TMPO: variants seen among roughly 807,000 people sequenced by gnomAD.
The protein encoded by TMPO is LEM domain containing 4.
TMPO carries 22 observed loss-of-function variants against 45.4 expected under a neutral mutation model. The observed-to-expected ratio is 0.48, with a 90% CI of 0.35 to 0.69. The LOEUF (loss-of-function observed/expected upper bound fraction) is 0.69. Ranked by LOEUF, TMPO falls within the 30% of genes least tolerant of loss-of-function variation. The probability of loss-of-function intolerance (pLI) is 0.01; values close to 1 mark genes in which losing one functional copy is unlikely to be tolerated. For synonymous variants in TMPO, 241 were observed against 204.1 expected (o/e 1.18, Z -1.54); for missense variants, 512 against 548.8 (o/e 0.93, Z 0.67).
rs927806299 is a variant in TMPO, at chr12:98,516,265, T to C, written c.279+119T>C. 8 of 1,256,754 alleles carry C rather than the reference T, an allele frequency of 6.4e-6. No individual in the cohort carries two copies. In the African/African-American group the frequency reaches 1.3e-4, roughly 20 times the overall value. The allele number at this position is 1,256,754 out of a possible 1,614,324, so 77.9% of individuals were successfully genotyped here. ...CTCGGGCCTCCCAGGTGCGGGGCTG[T>C]CCCTGCGCCCCCTCGCGTCGCCCCT... On this transcript the variant is annotated intron_variant, in intron 1 of 8. Coordinates refer to ENST00000556029, the MANE Select transcript of TMPO (RefSeq NM_001032283.3).
chr12:98,527,606 G>T, intron 1 of TMPO: 13 of 227,266 alleles, frequency 5.7e-5, no homozygotes, highest in South Asian at 2.5e-4. Flanking sequence ...TTGCATTTTT[G>T]ATGCCATTAC....
chr12:98,537,022 C>T (rs886774164), intron 3 of TMPO, among the ~76,000 whole-genome samples: 6 of 152,094 alleles, frequency 3.9e-5, no homozygotes, highest in African/African-American at 1.2e-4. Context: ...CATTTTTAAA[C>T]TTTCCCTTCT....
intron 1 of TMPO, among the ~76,000 whole-genome samples, chr12:98,527,230 G>A (rs139725691): frequency 2.0e-3 from 292 of 149,606 alleles, no homozygotes; most frequent in South Asian, 3.8e-3. Flanking sequence ...GTGTGCAGTG[G>A]TTTACAACTG....
At chr12:98,525,203 T>C (rs1265563533) in intron 1 of TMPO, among the ~76,000 whole-genome samples, 1 of 152,202 alleles carries the variant, frequency 6.6e-6, no homozygotes, top group Non-Finnish European at 1.5e-5. Flanking sequence ...TTGGATATTA[T>C]GGTGTGGGTT....
At chr12:98,522,936 CA>C (rs577984820) in intron 1 of TMPO, among the ~76,000 whole-genome samples, 108 of 152,298 alleles carry the variant, frequency 7.1e-4, no homozygotes, top group South Asian at 3.1e-3. Context: ...TATGGTTCAA[CA>C]TCTTTATACT....
At chr12:98,532,774 G>T in intron 3 of TMPO, 1 of 1,613,696 alleles carries the variant, frequency 6.2e-7, no homozygotes, top group South Asian at 1.1e-5. Flanking sequence ...AATAAAATCA[G>T]CTCAAACACA....
intron 4 of TMPO, 106 bp downstream of exon 4, chr12:98,537,678 A>C: frequency 4.7e-6 from 4 of 853,526 alleles, no homozygotes; most frequent in Non-Finnish European, 7.8e-6. Context: ...CAGCACGCTC[A>C]ATAAACTTAA....
chr12:98,516,369 C>T, intron 1 of TMPO: 1 of 1,208,760 alleles, frequency 8.3e-7, no homozygotes, highest in East Asian at 3.5e-5. Context: ...ACGTGTGGGT[C>T]TGGGAGGTGT....
At chr12:98,527,734 A>T (rs1175167333) in intron 1 of TMPO, 152 bp from the exon 2 acceptor site, 2 of 769,518 alleles carry the variant, frequency 2.6e-6, no homozygotes, top group Admixed American at 2.3e-5. Context: ...TTCTCCAATA[A>T]TGAGTTGCTC....
intron 3 of TMPO, chr12:98,532,789 A>G (rs1877286993): frequency 2.5e-6 from 4 of 1,614,082 alleles, no homozygotes; most frequent in Non-Finnish European, 3.4e-6. Flanking sequence ...AACACAGGTA[A>G]TGCTTAAACT....
At position 98,550,321 on chromosome 12, in the gene TMPO, G is replaced by T. The variant is rs956138131; in HGVS notation, c.*2463G>T. ...AAAGTAATTAACCTCTAGTTTTGTCGTTGCAATAAATGGTTTTCAGATAGC... is the reference window on the plus strand; with the variant it reads ...AAAGTAATTAACCTCTAGTTTTGTCTTTGCAATAAATGGTTTTCAGATAGC... On this transcript the variant is annotated 3_prime_UTR_variant, in exon 9 of 9. Coordinates refer to ENST00000556029, the MANE Select transcript of TMPO (RefSeq NM_001032283.3). The T allele has an allele frequency of 1.3e-5, 2 of 152,150 alleles. No homozygotes were observed. The highest frequency in any genetic ancestry group is 3.8e-4 in the East Asian group (2 of 5,206). The allele number at this position is 152,150 out of a possible 1,614,324, so 9.4% of individuals were successfully genotyped here.
chr12:98,527,845 C>A (rs572977980), intron 1 of TMPO, 41 bp from the exon 2 acceptor site: 1 of 1,610,570 alleles, frequency 6.2e-7, no homozygotes, highest in Non-Finnish European at 8.5e-7. Context: ...TAAGTGAACA[C>A]TTTAATTCAT....
intron 2 of TMPO, among the ~76,000 whole-genome samples, chr12:98,529,833 A>G (rs1877059399): frequency 6.6e-6 from 1 of 152,186 alleles, no homozygotes; most frequent in South Asian, 2.1e-4. Flanking sequence ...TCCTAGGATT[A>G]CAGGCATGAG....
At chr12:98,521,865 G>C (rs1414577950) in intron 1 of TMPO, among the ~76,000 whole-genome samples, 1 of 152,144 alleles carries the variant, frequency 6.6e-6, no homozygotes, top group Non-Finnish European at 1.5e-5. Context: ...GAGGAGCTGG[G>C]ATTACAAGCG....
rs571417296 is a variant in TMPO, at chr12:98,534,020, T to C, written c.565+2182T>C. On this transcript the variant is annotated intron_variant, in intron 3 of 8. Transcript: ENST00000556029. ...TTGCAGATTGCAACTCACACTGCCTTTGTAGCTAAGGCTATGCAGGCAGAC... is the reference window on the plus strand; with the variant it reads ...TTGCAGATTGCAACTCACACTGCCTCTGTAGCTAAGGCTATGCAGGCAGAC... The C allele has an allele frequency of 1.7e-5, 28 of 1,608,146 alleles. No homozygotes were observed. The African/African-American group carries it at 3.3e-4, about 19-fold the overall frequency.
chr12:98,532,112 A>G (rs1418514649), intron 3 of TMPO: 3 of 377,408 alleles, frequency 7.9e-6, no homozygotes, highest in South Asian at 5.3e-5. Flanking sequence ...ATAAAGTATT[A>G]CAAGTAAAGG....
Position 98,533,116 on chromosome 12 carries a change from T to C in TMPO, c.565+1278T>C, listed in dbSNP as rs1475778302. 1 of 1,614,024 alleles carries C rather than the reference T, an allele frequency of 6.2e-7. No individual in the cohort carries two copies. Among genetic ancestry groups the C allele is most frequent in the African/African-American group, 1.3e-5 (1 of 74,916 alleles). On this transcript the variant is annotated intron_variant, in intron 3 of 8. Transcript: ENST00000556029. ...TTCATGCAAGTCTAGCCATGATAGG[T>C]GTTTAGAGAAAAGTTCTTCGTCATC... is the stretch of plus-strand genomic sequence containing the variant.
In TMPO at chr12:98,537,571, A is replaced by G; in HGVS notation, c.662A>G (p.Gln221Arg). 1.2e-6 allele frequency: 2 copies of G among 1,609,820 alleles called. No homozygotes were observed. Among genetic ancestry groups the G allele is most frequent in the Non-Finnish European group, 1.7e-6 (2 of 1,176,942 alleles). The change falls in exon 4 of 9, where the codon CAG becomes CGG. Residue 221 changes from glutamine to arginine, a missense_variant and splice_region_variant. Coordinates refer to ENST00000556029, the MANE Select transcript of TMPO (RefSeq NM_001032283.3). ...TLKQRRVEHN[Q>R]SYSQAGITET... ...AAGCAAAGAAGAGTTGAGCACAATC[A>G]GGTATCTTTAGTTTTATTACCACCG...
At chr12:98,520,923 G>A (rs1465546037) in intron 1 of TMPO, among the ~76,000 whole-genome samples, 2 of 151,854 alleles carry the variant, frequency 1.3e-5, no homozygotes, top group African/African-American at 2.4e-5. Flanking sequence ...TAATGGAGTG[G>A]TAAAAAGGAA....
Sources: gnomAD v4.1 joint callset for allele counts (sites outside exome capture counted in the v4.1 genomes callset) on GRCh38, gnomAD v4.1.1 for gene constraint, MANE v1.5 for transcripts, NCBI Gene and HGNC (gene_info 2026-07-23, HGNC 2026-07-21) for gene names.